The following ITSN1 variants were observed in gnomAD, a reference collection of about 807,000 sequenced individuals.
ITSN1 encodes intersectin-1.
A neutral mutation model predicts 239.8 loss-of-function variants in ITSN1; 58 were observed. The ratio of observed to expected loss-of-function variants is 0.24; its 90% confidence interval spans 0.20 to 0.30. ITSN1 has a LOEUF of 0.30. ITSN1 is among the 10% of genes least tolerant of loss of function. The probability of loss-of-function intolerance (pLI) is 1.00; values close to 1 mark genes in which losing one functional copy is unlikely to be tolerated. For synonymous variants in ITSN1, 780 were observed against 770.8 expected (o/e 1.01, Z -0.20); for missense variants, 1,558 against 2,103.3 (o/e 0.74, Z 5.07).
intron 25 of ITSN1, 63 bp from the exon 26 acceptor site, chr21:33,826,755 C>A: frequency 1.4e-6 from 2 of 1,477,732 alleles, no homozygotes; most frequent in South Asian, 1.2e-5. Flanking sequence ...CATCATTAAT[C>A]GTTTTTAAAG....
intron 1 of ITSN1, among the ~76,000 whole-genome samples, chr21:33,688,098 GA>G (rs1489444439): frequency 7.0e-6 from 1 of 143,424 alleles, no homozygotes; most frequent in Non-Finnish European, 1.5e-5. Context: ...TTTTTTTCTT[GA>G]AAAGGCATGT....
chr21:33,774,531 C>T (rs1169138552), intron 12 of ITSN1, 198 bp from the exon 13 acceptor site: 2 of 512,586 alleles, frequency 3.9e-6, no homozygotes, highest in African/African-American at 1.9e-5. Context: ...AATATAATAC[C>T]CAGTTCTGTG....
At chr21:33,864,622 C>T (rs1415134331) in intron 31 of ITSN1, among the ~76,000 whole-genome samples, 3 of 152,178 alleles carry the variant, frequency 2.0e-5, no homozygotes, top group Non-Finnish European at 2.9e-5. Flanking sequence ...AATGAAGCAG[C>T]GAATCACAGA....
intron 1 of ITSN1, among the ~76,000 whole-genome samples, chr21:33,646,146 T>C (rs2087924169): frequency 6.6e-6 from 1 of 152,226 alleles, no homozygotes; most frequent in Non-Finnish European, 1.5e-5. Flanking sequence ...TTTTTTTTAG[T>C]AGTCACTGAT....
rs566394769 is a variant in ITSN1 at position 33,843,358 on chromosome 21, C to A, written c.3661+6726C>A. Among the ~76,000 whole-genome samples, 13 of 152,234 alleles carry A rather than the reference C, an allele frequency of 8.5e-5. No individual in the cohort carries two copies. The South Asian group carries it at 1.5e-3, about 17-fold the overall frequency. Reference sequence around the variant, plus strand: ...TGGGGTTACCATGGGAGTTTGGAGCCATTGGTAAGGATTCCAACACATTTT... The same window carrying A: ...TGGGGTTACCATGGGAGTTTGGAGCAATTGGTAAGGATTCCAACACATTTT... On this transcript the variant is annotated intron_variant, in intron 29 of 39. Transcript: ENST00000381318.
chr21:33,672,653 A>G (rs1035923577), intron 1 of ITSN1, among the ~76,000 whole-genome samples: 3 of 152,204 alleles, frequency 2.0e-5, no homozygotes, highest in African/African-American at 7.2e-5. Context: ...GCATCTTGGG[A>G]AGATATCTGC....
intron 18 of ITSN1, among the ~76,000 whole-genome samples, chr21:33,799,272 C>T (rs1332460875): frequency 6.6e-6 from 1 of 152,124 alleles, no homozygotes; most frequent in Non-Finnish European, 1.5e-5. Context: ...GTGTCTTCAT[C>T]GGGGATTATC....
At chr21:33,769,324 A>G (rs1449718210) in intron 11 of ITSN1, among the ~76,000 whole-genome samples, 1 of 152,208 alleles carries the variant, frequency 6.6e-6, no homozygotes, top group Non-Finnish European at 1.5e-5. Context: ...CGTTTATTAT[A>G]TGCCTCCTAC....
chr21:33,808,794 G>A lies in ITSN1; in HGVS notation c.2320-2181G>A, dbSNP rs112495784. Among the ~76,000 whole-genome samples the A allele has an allele frequency of 7.1e-3, 1,087 of 152,276 alleles. 13 individuals carry two copies. Among genetic ancestry groups the A allele is most frequent in the African/African-American group, 0.025 (1,039 of 41,544 alleles). ...CCTAAATTGAGACGGTCTAACTGCA[G>A]AGCCCTATTCTTGATCATTACACTT... On this transcript the variant is annotated intron_variant, in intron 20 of 39. Coordinates refer to ENST00000381318, the MANE Select transcript of ITSN1 (RefSeq NM_003024.3).
chr21:33,797,484 G>A lies in ITSN1; in HGVS notation c.2058G>A (p.Glu686=), dbSNP rs773039304. 6.2e-7 allele frequency: 1 copy of A among 1,614,118 alleles called. No individual in the cohort carries two copies. Among genetic ancestry groups the A allele is most frequent in the South Asian group, 1.1e-5 (1 of 91,082 alleles). ...AAGAGGAAAAACTGAAAAGGGAGGA[G>A]AGTGTCAAAAAGAAGGATGGCGAGG... is the stretch of plus-strand genomic sequence containing the variant. ...LHEEEKLKRE[E]SVKKKDGEEK... is the part of the protein sequence containing the mutation. The change falls in exon 18 of 40, where the codon GAG becomes GAA. Residue 686 remains glutamate, a synonymous_variant. Coordinates refer to ENST00000381318, the MANE Select transcript of ITSN1 (RefSeq NM_003024.3). This position sits in a 1 kb window ranked among gnomAD's most constrained non-coding sequence, Gnocchi z 4.9.
intron 7 of ITSN1, among the ~76,000 whole-genome samples, chr21:33,752,423 A>T (rs545585545): frequency 6.6e-6 from 1 of 152,346 alleles, no homozygotes; most frequent in Non-Finnish European, 1.5e-5. Flanking sequence ...GACAATTCAC[A>T]TTAATCAAAT....
chr21:33,863,979 C>G (rs927845099), intron 31 of ITSN1, among the ~76,000 whole-genome samples: 2 of 152,252 alleles, frequency 1.3e-5, no homozygotes, highest in African/African-American at 4.8e-5. Flanking sequence ...GCTGACTGCT[C>G]ACACCACATC....
intron 1 of ITSN1, among the ~76,000 whole-genome samples, chr21:33,711,570 T>C (rs538764763): frequency 6.6e-5 from 10 of 152,248 alleles, no homozygotes; most frequent in African/African-American, 2.4e-4. Flanking sequence ...TTCTTCTGTT[T>C]CTTTTTTCTT....
At chr21:33,645,739 C>G (rs1231711456) in intron 1 of ITSN1, among the ~76,000 whole-genome samples, 1 of 152,156 alleles carries the variant, frequency 6.6e-6, no homozygotes, top group Non-Finnish European at 1.5e-5. Flanking sequence ...AGGTGGGGCC[C>G]TGGAATTGGT....
intron 1 of ITSN1, among the ~76,000 whole-genome samples, chr21:33,656,106 A>G (rs1333687346): frequency 6.6e-6 from 1 of 152,208 alleles, no homozygotes; most frequent in African/African-American, 2.4e-5. Flanking sequence ...GTCAAGTCCA[A>G]GGATTCTGAT....
chr21:33,740,934 G>A (rs1466687730), intron 5 of ITSN1, among the ~76,000 whole-genome samples: 2 of 152,110 alleles, frequency 1.3e-5, no homozygotes, highest in African/African-American at 4.8e-5. Flanking sequence ...TAGATAGATA[G>A]CTAATAAATT....
chr21:33,750,266 C>G lies in ITSN1; in HGVS notation c.470C>G (p.Pro157Arg), dbSNP rs749794095. 4.3e-6 allele frequency: 7 copies of G among 1,614,072 alleles called. No individual in the cohort carries two copies. Among genetic ancestry groups the G allele is most frequent in the Non-Finnish European group, 5.9e-6 (7 of 1,180,030 alleles). Reference protein sequence around the residue: ...VSSVPTAAVPPLANGAPPVIQ... With the variant: ...VSSVPTAAVPRLANGAPPVIQ... ...TCTGTTCCCACAGCAGCTGTGCCCC[C>G]CCTGGCTAACGGGGCTCCCCCTGTT... Residue 157 changes from proline to arginine, a missense_variant, in exon 6 of 40, where the codon CCC becomes CGC. By Grantham distance (103) the Pro-to-Arg change is moderately radical. Around this residue, in one of 2 missense-constraint regions of ITSN1, gnomAD observed 982 missense variants for 1,209.9 expected, o/e 0.81. Transcript: ENST00000381318.
At chr21:33,802,579 T>A in intron 20 of ITSN1, 135 bp downstream of exon 20, 2 of 804,134 alleles carry the variant, frequency 2.5e-6, no homozygotes, top group East Asian at 2.6e-5. Context: ...GTCTGTGTAG[T>A]AGGTTGTGCT....
chr21:33,659,696 C>A (rs910266610), intron 1 of ITSN1, among the ~76,000 whole-genome samples: 1 of 141,604 alleles, frequency 7.1e-6, no homozygotes, highest in Non-Finnish European at 1.5e-5. Flanking sequence ...ACTAAGTCAG[C>A]AGCCTGTACT....
Sources: gnomAD v4.1 joint callset for allele counts (sites outside exome capture counted in the v4.1 genomes callset) on GRCh38, gnomAD v4.1.1 for gene constraint, gnomAD v4.1.1 regional missense constraint, Gnocchi (gnomAD v3.1) non-coding constraint, MANE v1.5 for transcripts, NCBI Gene and HGNC (gene_info 2026-07-23, HGNC 2026-07-21) for gene names.